The following AVPR2 variants were observed in gnomAD, a reference collection of about 807,000 sequenced individuals.
AVPR2 encodes arginine vasopressin receptor 2.
In AVPR2, 3 loss-of-function variants were observed where a neutral mutation model predicts 12.0. The observed-to-expected ratio is 0.25, with a 90% CI of 0.11 to 0.64. The LOEUF is 0.64. AVPR2 is among the 30% of genes least tolerant of loss of function. The pLI is 0.84. For missense variants in AVPR2, 279 were observed against 347.9 expected, an observed-to-expected ratio of 0.80 and a Z score of 1.58; for synonymous variants, 143 against 147.5, an observed-to-expected ratio of 0.97 and a Z score of 0.22.
At position 153,905,848 on chromosome X, in the gene AVPR2, C is replaced by T. The variant is rs782151840; in HGVS notation, c.342C>T (p.Ala114=). 25 of 1,204,726 alleles carry T rather than the reference C, an allele frequency of 2.1e-5. No individual in the cohort carries two copies. The Admixed American group carries it at 3.5e-4, about 17-fold the overall frequency. ...RFRGPDALCR[A]VKYLQMVGMY... ...GTGGGCCAGATGCCCTGTGTCGGGC[C>T]GTGAAGTATCTGCAGATGGTGGGCA... is the stretch of plus-strand genomic sequence containing the variant. The change falls in exon 3 of 4, where the codon GCC becomes GCT. Residue 114 remains alanine, a synonymous_variant. Transcript: ENST00000646375.
chrX:153,906,404 G>C lies in AVPR2; in HGVS notation c.898G>C (p.Ala300Pro), dbSNP rs782632602. The change falls in exon 3 of 4, where the codon GCA (alanine) becomes CCA (proline). Residue 300 changes from alanine to proline, a missense_variant. Coordinates refer to ENST00000646375, the MANE Select transcript of AVPR2 (RefSeq NM_000054.7). Reference sequence around the variant, plus strand: ...GCTGTGGGCCGCGTGGGACCCGGAGGCACCTCTGGAAGGTGGGTGTAGCCG... The same window carrying C: ...GCTGTGGGCCGCGTGGGACCCGGAGCCACCTCTGGAAGGTGGGTGTAGCCG... ...VQLWAAWDPE[A>P]PLEGAPFVLL... 2 of 1,209,168 alleles carry C rather than the reference G, an allele frequency of 1.7e-6. No homozygotes were observed. Among genetic ancestry groups the C allele is most frequent in the African/African-American group, 3.5e-5 (2 of 57,918 alleles).
At chrX:153,905,237 T>C in intron 2 of AVPR2, 67 bp downstream of exon 2, 1 of 1,182,353 alleles carries the variant, frequency 8.5e-7, no homozygotes, top group East Asian at 3.0e-5. Flanking sequence ...AGCCCCTCTT[T>C]CTAAAGACCT....
upstream of AVPR2, among the ~76,000 whole-genome samples, chrX:153,904,044 T>C (rs1351340501): frequency 6.3e-5 from 7 of 111,810 alleles, no homozygotes; most frequent in African/African-American, 2.3e-4. Context: ...TGTGGCTGTG[T>C]GGCTGTATCA....
In AVPR2 at chrX:153,906,073, C is replaced by G. The variant is rs1557100770; in HGVS notation, c.567C>G (p.Val189=). ...AQRNVEGGSG[V]TDCWACFAEP... ...GCAACGTGGAAGGTGGCAGCGGGGT[C>G]ACTGACTGCTGGGCCTGCTTTGCGG... is the stretch of plus-strand genomic sequence containing the variant. Residue 189 remains valine, a synonymous_variant, in exon 3 of 4, where the codon GTC becomes GTG. Coordinates refer to ENST00000646375, the MANE Select transcript of AVPR2 (RefSeq NM_000054.7). The G allele has an allele frequency of 8.2e-7, 1 of 1,212,145 alleles. No individual in the cohort carries two copies. Among genetic ancestry groups the G allele is most frequent in the Admixed American group, 2.2e-5 (1 of 46,178 alleles).
intron 2 of AVPR2, 120 bp downstream of exon 2, chrX:153,905,290 G>C: frequency 9.4e-7 from 1 of 1,061,108 alleles, no homozygotes. Context: ...GGCTGCCAAT[G>C]AGTGGGGAGG....
chrX:153,906,236 C>T lies in AVPR2; in HGVS notation c.730C>T (p.Pro244Ser). The T allele has an allele frequency of 8.2e-7, 1 of 1,212,315 alleles. No homozygotes were observed. Among genetic ancestry groups the T allele is most frequent in the Non-Finnish European group, 1.1e-6 (1 of 895,595 alleles). Residue 244 changes from proline to serine, a missense_variant, in exon 3 of 4, where the codon CCT becomes TCT. Transcript: ENST00000646375. ...TCTGGTGCCAGGGCCATCAGAGAGG[C>T]CTGGGGGGCGCCGCAGGGGACGCCG... ...ASLVPGPSER[P>S]GGRRRGRRTG... is the part of the protein sequence containing the mutation.
chrX:153,903,502 AAT>A (rs1329184697), upstream of AVPR2, among the ~76,000 whole-genome samples: 1 of 62,206 alleles, frequency 1.6e-5, no homozygotes, highest in Admixed American at 1.7e-4. Flanking sequence ...TGTGGTGTGT[AAT>A]ATATGTGTGC....
At chrX:153,902,688 C>G (rs935805442), upstream of AVPR2, 4 of 329,867 alleles carry the variant, frequency 1.2e-5, no homozygotes, top group South Asian at 2.6e-5. Context: ...TTCTTGCATC[C>G]CAGAGGAGAC....
At chrX:153,902,815 C>T (rs1603281225), upstream of AVPR2, 4 of 321,913 alleles carry the variant, frequency 1.2e-5, no homozygotes, top group African/African-American at 7.9e-5. Flanking sequence ...TCCCAACCTG[C>T]TGCTGAGATC....
In AVPR2 at chrX:153,906,173, G is replaced by A. The variant is rs143776302; in HGVS notation, c.667G>A (p.Ala223Thr). The part of the protein sequence containing the change: ...VFVAPTLGIA[A>T]CQVLIFREIH... ...CGTGGCACCTACCCTGGGTATCGCC[G>A]CCTGCCAGGTGCTCATCTTCCGGGA... The change falls in exon 3 of 4, where the codon GCC becomes ACC. Residue 223 changes from alanine to threonine, a missense_variant. By Grantham distance (58) the Ala-to-Thr change is moderately conservative. Coordinates refer to ENST00000646375, the MANE Select transcript of AVPR2 (RefSeq NM_000054.7). 3.0e-4 allele frequency: 360 copies of A among 1,211,081 alleles called. No individual in the cohort carries two copies. The African/African-American group carries it at 5.0e-3, about 17-fold the overall frequency.
At position 153,905,313 on chromosome X, in the gene AVPR2, C is replaced by T. The variant is rs1182501849; in HGVS notation, c.25+143C>T. ...ATGAGTGGGGAGGGGAGCACAGCCC[C>T]ACTTCCCCGCCAGGGCTGGGGCTGG... On this transcript the variant is annotated intron_variant, in intron 2 of 3. Coordinates refer to ENST00000646375, the MANE Select transcript of AVPR2 (RefSeq NM_000054.7). 8.2e-6 allele frequency: 8 copies of T among 978,576 alleles called. No homozygotes were observed. In the African/African-American group the frequency reaches 9.5e-5, roughly 12 times the overall value. 80.6% of individuals were successfully genotyped at this position (978,576 alleles called of 1,213,427 possible). A position where few individuals can be genotyped will look rare whatever the true frequency, so the allele number is the denominator to read the frequency against.
rs2234695 is a variant in AVPR2, at chrX:153,905,632, G to A, written c.126G>A (p.Ala42=). The A allele has an allele frequency of 1.5e-4, 182 of 1,210,283 alleles. No homozygotes were observed. The East Asian group carries it at 4.9e-3, about 33-fold the overall frequency. ...RDPLLARAEL[A]LLSIVFVAVA... ...CGCTGCTAGCCCGGGCGGAGCTGGC[G>A]CTGCTCTCCATAGTCTTTGTGGCTG... The change falls in exon 3 of 4, where the codon GCG becomes GCA. Residue 42 remains alanine, a synonymous_variant. Transcript: ENST00000646375.
Position 153,905,699 on chromosome X carries a change from C to T in AVPR2, c.193C>T (p.Arg65Trp), listed in dbSNP as rs138019778. The T allele has an allele frequency of 1.3e-5, 16 of 1,207,272 alleles. No homozygotes were observed. Among genetic ancestry groups the T allele is most frequent in the African/African-American group, 1.0e-4 (6 of 57,613 alleles). Residue 65 changes from arginine (R) to tryptophan (W), a missense_variant, in exon 3 of 4, where the codon CGG becomes TGG. By Grantham distance (101) the Arg-to-Trp change is moderately radical (BLOSUM62 -3). Transcript: ENST00000646375. ...NGLVLAALAR[R>W]GRRGHWAPIH... ...CCTGGTGCTGGCGGCCCTAGCTCGG[C>T]GGGGCCGGCGGGGCCACTGGGCACC... is the stretch of plus-strand genomic sequence containing the variant.
chrX:153,904,299 C>T (rs1462642584), upstream of AVPR2, among the ~76,000 whole-genome samples: 2 of 112,512 alleles, frequency 1.8e-5, no homozygotes, highest in African/African-American at 3.2e-5. Context: ...AGGGGCCCAG[C>T]GAAAGTGTTT....
chrX:153,905,564 C>A lies in AVPR2; in HGVS notation c.58C>A (p.Pro20Thr). ...VPGHPSLPSL[P>T]SNSSQERPLD... ...TGGGCATCCCTCTCTGCCCAGCCTG[C>A]CCAGCAACAGCAGCCAGGAGAGGCC... The change falls in exon 3 of 4, where the codon CCC (proline) becomes ACC (threonine). Residue 20 changes from proline to threonine, a missense_variant. Coordinates refer to ENST00000646375, the MANE Select transcript of AVPR2 (RefSeq NM_000054.7). 1.7e-6 allele frequency: 2 copies of A among 1,200,903 alleles called. No individual in the cohort carries two copies. Among genetic ancestry groups the A allele is most frequent in the Non-Finnish European group, 2.2e-6 (2 of 890,285 alleles).
At chrX:153,903,698 C>T (rs1284280796), upstream of AVPR2, among the ~76,000 whole-genome samples, 1 of 111,567 alleles carries the variant, frequency 9.0e-6, no homozygotes, top group African/African-American at 3.3e-5. Context: ...GCTCTCTGGG[C>T]AGGAAGAGGA....
At position 153,905,156 on chromosome X, in the gene AVPR2, C is replaced by A; in HGVS notation, c.11C>A (p.Ala4Glu). The change falls in exon 2 of 4, where the codon GCG becomes GAG. Residue 4 changes from alanine (A) to glutamate (E), a missense_variant. Ala to Glu is a moderately radical substitution (Grantham distance 107). Coordinates refer to ENST00000646375, the MANE Select transcript of AVPR2 (RefSeq NM_000054.7). The part of the protein sequence containing the change: MLM[A>E]STTSAVPGHP... ...TGCCCCAGCCCCACCATGCTCATGG[C>A]GTCCACCACTTCCGGTAAGGCTTGC... is the stretch of plus-strand genomic sequence containing the variant. 1.6e-6 allele frequency: 2 copies of A among 1,212,141 alleles called. No individual in the cohort carries two copies. Among genetic ancestry groups the A allele is most frequent in the Non-Finnish European group, 2.2e-6 (2 of 895,489 alleles).
At chrX:153,904,184 C>T (rs1395325290), upstream of AVPR2, among the ~76,000 whole-genome samples, 6 of 111,723 alleles carry the variant, frequency 5.4e-5, no homozygotes, top group African/African-American at 1.6e-4. Flanking sequence ...CACAGGGGTT[C>T]GTGAAGCCTG....
At position 153,906,434 on chromosome X, in the gene AVPR2, T is replaced by A. The variant is rs1260966926; in HGVS notation, c.910+18T>A. On this transcript the variant is annotated intron_variant, in intron 3 of 3. Transcript: ENST00000646375. ...TCTGGAAGGTGGGTGTAGCCGTGGC[T>A]AGGGCTGACGGGGCCACTTGGGCTT... 1.7e-6 allele frequency: 2 copies of A among 1,202,372 alleles called. No individual in the cohort carries two copies. Among genetic ancestry groups the A allele is most frequent in the Non-Finnish European group, 2.2e-6 (2 of 890,100 alleles).
Sources: allele counts gnomAD v4.1 joint callset (sites outside exome capture counted in the v4.1 genomes callset), GRCh38; gene constraint gnomAD v4.1.1; transcripts MANE v1.5; gene names NCBI Gene and HGNC (gene_info 2026-07-23, HGNC 2026-07-21).